ANKFY1: variants seen among roughly 807,000 people sequenced by gnomAD.
ANKFY1 encodes the protein ankyrin repeat and FYVE domain-containing protein 1.
In ANKFY1, 47 loss-of-function variants were observed where a neutral mutation model predicts 128.3. That is an observed-to-expected ratio of 0.37 (90% CI 0.29 to 0.47). The LOEUF is 0.47. Ranked by LOEUF, ANKFY1 falls within the 20% of genes least tolerant of loss-of-function variation. The pLI is 1.00. For missense variants in ANKFY1, 1,222 were observed against 1,510.6 expected (o/e 0.81, Z 3.17); for synonymous variants, 553 against 601.6 (o/e 0.92, Z 1.18).
At chr17:4,174,439 A>G (rs957555370) in intron 19 of ANKFY1, among the ~76,000 whole-genome samples, 1 of 152,168 alleles carries the variant, frequency 6.6e-6, no homozygotes, top group East Asian at 1.9e-4. Context: ...TAATAGGTAC[A>G]AACAGTAGAG....
chr17:4,263,679 G>C (rs969662460), intron 1 of ANKFY1: 28 of 1,530,802 alleles, frequency 1.8e-5, no homozygotes, highest in African/African-American at 6.9e-5. Flanking sequence ...GCACCGGCGC[G>C]GGACCTGCCA....
chr17:4,177,704 C>T (rs1457436141), intron 18 of ANKFY1, among the ~76,000 whole-genome samples: 2 of 152,238 alleles, frequency 1.3e-5, no homozygotes, highest in East Asian at 3.8e-4. Context: ...AAAACAAGCA[C>T]CCAGCATCCT....
chr17:4,177,373 T>C, intron 18 of ANKFY1, 71 bp from the exon 19 acceptor site: 5 of 1,396,168 alleles, frequency 3.6e-6, no homozygotes, highest in Non-Finnish European at 4.9e-6. Flanking sequence ...ATCTGCAAGC[T>C]GAACTGACCA....
At chr17:4,251,104 T>A (rs1174812615) in intron 1 of ANKFY1, among the ~76,000 whole-genome samples, 1 of 152,006 alleles carries the variant, frequency 6.6e-6, no homozygotes, top group East Asian at 1.9e-4. Flanking sequence ...CAATGGAAAA[T>A]AACAGAATCC....
At chr17:4,229,786 C>T (rs1333515966) in intron 3 of ANKFY1, among the ~76,000 whole-genome samples, 1 of 152,200 alleles carries the variant, frequency 6.6e-6, no homozygotes, top group African/African-American at 2.4e-5. Context: ...TGGCCGCTAA[C>T]GTTCCCCCAA....
At chr17:4,247,632 C>G (rs1224881178) in intron 1 of ANKFY1, among the ~76,000 whole-genome samples, 1 of 152,174 alleles carries the variant, frequency 6.6e-6, no homozygotes, top group East Asian at 1.9e-4. Context: ...ATACTGTCTG[C>G]TTACAAACAG....
rs2059184552 is a variant in ANKFY1 at position 4,164,877 on chromosome 17, A to G, written c.*2902T>C. ...GAAATGACTCGGGGCTCTGAGGTAG[A>G]GGACTAAAGGTCACGTAGACCCCAC... On this transcript the variant is annotated 3_prime_UTR_variant, in exon 25 of 25. Transcript: ENST00000341657. 1 of 152,670 alleles carries G rather than the reference A, an allele frequency of 6.6e-6. No homozygotes were observed. Among genetic ancestry groups the G allele is most frequent in the Non-Finnish European group, 1.5e-5 (1 of 68,062 alleles). The allele number at this position is 152,670 out of a possible 1,614,324, so 9.5% of individuals were successfully genotyped here.
intron 1 of ANKFY1, among the ~76,000 whole-genome samples, chr17:4,250,769 A>G (rs919483364): frequency 6.6e-6 from 1 of 152,110 alleles, no homozygotes; most frequent in African/African-American, 2.4e-5. Context: ...CTAGGCTCAA[A>G]CAGCTAGAAC....
intron 2 of ANKFY1, among the ~76,000 whole-genome samples, chr17:4,236,978 A>C (rs1234112424): frequency 6.6e-6 from 1 of 152,058 alleles, no homozygotes; most frequent in Non-Finnish European, 1.5e-5. Flanking sequence ...TCTACTAAAA[A>C]TACAAAAATT....
chr17:4,221,477 G>A (rs1392399695), intron 3 of ANKFY1, among the ~76,000 whole-genome samples: 4 of 152,150 alleles, frequency 2.6e-5, no homozygotes, highest in Non-Finnish European at 5.9e-5. Context: ...CTCCCAAAGT[G>A]CTGGTATTAC....
At chr17:4,238,550 C>G (rs1967033029) in intron 2 of ANKFY1, among the ~76,000 whole-genome samples, 1 of 151,538 alleles carries the variant, frequency 6.6e-6, no homozygotes, top group Non-Finnish European at 1.5e-5. Flanking sequence ...CCAGGCTCAC[C>G]ACAACCTCCA....
At chr17:4,212,362 A>G (rs2060148473) in intron 4 of ANKFY1, among the ~76,000 whole-genome samples, 1 of 152,200 alleles carries the variant, frequency 6.6e-6, no homozygotes, top group Non-Finnish European at 1.5e-5. Flanking sequence ...AAATTACTTG[A>G]GCTCTCTGTG....
At chr17:4,193,784 G>A (rs542214903) in intron 10 of ANKFY1, among the ~76,000 whole-genome samples, 21 of 148,648 alleles carry the variant, frequency 1.4e-4, no homozygotes, top group African/African-American at 5.2e-4. Flanking sequence ...TTTTGAGATG[G>A]AGTCTTGCTC....
chr17:4,174,092 T>C (rs771157294), intron 19 of ANKFY1, 36 bp from the exon 20 acceptor site: 2 of 1,606,322 alleles, frequency 1.2e-6, no homozygotes, highest in Non-Finnish European at 1.7e-6. Context: ...TCAGTCTCTC[T>C]GCCACAATCA....
At chr17:4,211,773 AGTAAGAGCCCAGGAGTTCAAGGCTGCG>A (rs899532258) in intron 4 of ANKFY1, among the ~76,000 whole-genome samples, 21 of 151,942 alleles carry the variant, frequency 1.4e-4, no homozygotes, top group East Asian at 3.9e-4. Flanking sequence ...AGGAGGCTGA[AGTAAGAGCCCAGGAGTTCAAGGCTGCG>A]GTAAGAGCCC....
Position 4,209,920 on chromosome 17 carries a change from C to G in ANKFY1, c.486G>C (p.Val162=). ...AGAAGCGAATACAGTTCCTGACATTCACTAGAGACATAACACCCTTCTCAC... is the reference window on the plus strand; with the variant it reads ...AGAAGCGAATACAGTTCCTGACATTGACTAGAGACATAACACCCTTCTCAC... ...ERCEKGVMSL[V]NVRNCIRFYQ... Residue 162 remains valine (V), a synonymous_variant, in exon 5 of 25, where the codon GTG becomes GTC. Coordinates refer to ENST00000341657, the MANE Select transcript of ANKFY1 (RefSeq NM_001330063.2). 6.2e-7 allele frequency: 1 copy of G among 1,613,724 alleles called. No individual in the cohort carries two copies. Among genetic ancestry groups the G allele is most frequent in the South Asian group, 1.1e-5 (1 of 91,052 alleles).
intron 5 of ANKFY1, 107 bp downstream of exon 5, chr17:4,209,716 AG>A: frequency 7.9e-7 from 1 of 1,272,022 alleles, no homozygotes; most frequent in Non-Finnish European, 1.1e-6. Flanking sequence ...TTGTGTAACA[AG>A]AGAAAACCAG....
rs12603732 is a variant in ANKFY1 at position 4,234,833 on chromosome 17, A to G, written c.322+939T>C. On this transcript the variant is annotated intron_variant, in intron 3 of 24. Transcript: ENST00000341657. ...CTTAAAATTCTTTTTTTAAAAACAAATTGTATTGTGTATATTTAAGCTATA... is the reference window on the plus strand; with the variant it reads ...CTTAAAATTCTTTTTTTAAAAACAAGTTGTATTGTGTATATTTAAGCTATA... Among the ~76,000 whole-genome samples, 128 of 152,248 alleles carry G rather than the reference A, an allele frequency of 8.4e-4. 3 individuals carry two copies. In the East Asian group the frequency reaches 0.023, roughly 27 times the overall value.
chr17:4,214,764 A>G (rs2060193136), intron 4 of ANKFY1, among the ~76,000 whole-genome samples: 1 of 152,120 alleles, frequency 6.6e-6, no homozygotes, highest in South Asian at 2.1e-4. Context: ...TCAAGCATAT[A>G]TTTAAACGTC....
Sources: gnomAD v4.1 joint callset for allele counts (sites outside exome capture counted in the v4.1 genomes callset) on GRCh38, gnomAD v4.1.1 for gene constraint, MANE v1.5 for transcripts, NCBI Gene and HGNC (gene_info 2026-07-23, HGNC 2026-07-21) for gene names.